The following ITGA6 variants were observed in gnomAD, a reference collection of about 807,000 sequenced individuals.
ITGA6 encodes the protein integrin subunit alpha 6.
Under a neutral mutation model 133.6 loss-of-function variants are expected in ITGA6, and 63 were observed. The ratio of observed to expected loss-of-function variants is 0.47; its 90% confidence interval spans 0.38 to 0.58. The LOEUF is 0.58. ITGA6 is among the 20% of genes least tolerant of loss of function. The probability of loss-of-function intolerance (pLI) is 0.00; values close to 1 mark genes in which losing one functional copy is unlikely to be tolerated. For missense variants in ITGA6, 1,068 were observed against 1,309.4 expected, an observed-to-expected ratio of 0.82 and a Z score of 2.85; for synonymous variants, 434 against 482.0, an observed-to-expected ratio of 0.90 and a Z score of 1.30.
In ITGA6 at chr2:172,503,177, A is replaced by T. The variant is rs115526550; in HGVS notation, c.*23-914A>T. Among the ~76,000 whole-genome samples, 541 of 152,228 alleles carry T rather than the reference A, an allele frequency of 3.6e-3. 1 individual carries two copies. Among genetic ancestry groups the T allele is most frequent in the African/African-American group, 0.012 (491 of 41,536 alleles). ...CATTAACAGTTCTATCAATATCCTCATTCTTCTAAACTGCATTTTAAAGTT... is the reference window on the plus strand; with the variant it reads ...CATTAACAGTTCTATCAATATCCTCTTTCTTCTAAACTGCATTTTAAAGTT... On this transcript the variant is annotated intron_variant, in intron 25 of 25. Coordinates refer to ENST00000684293, the MANE Select transcript of ITGA6 (RefSeq NM_000210.4).
At chr2:172,453,149 C>T (rs996974621) in intron 1 of ITGA6, among the ~76,000 whole-genome samples, 3 of 152,100 alleles carry the variant, frequency 2.0e-5, no homozygotes, top group Non-Finnish European at 4.4e-5. Flanking sequence ...CACTTTTACT[C>T]AGAGATTTGC....
intron 13 of ITGA6, among the ~76,000 whole-genome samples, chr2:172,486,400 C>G (rs1479880654): frequency 6.6e-6 from 1 of 151,950 alleles, no homozygotes; most frequent in Non-Finnish European, 1.5e-5. Flanking sequence ...GTTAATATTA[C>G]TTGTGTACAT....
chr2:172,457,753 A>T (rs544955929), intron 1 of ITGA6, among the ~76,000 whole-genome samples: 1 of 152,260 alleles, frequency 6.6e-6, no homozygotes, highest in Non-Finnish European at 1.5e-5. Context: ...TCCCCCTTCA[A>T]ACTGGGGGGG....
intron 1 of ITGA6, among the ~76,000 whole-genome samples, chr2:172,457,295 C>CAA (rs71403305): frequency 0.028 from 2,192 of 79,168 alleles, 113 homozygotes; most frequent in African/African-American, 0.096. Context: ...ATTCTGTCTC[C>CAA]AAAAAAAAAA....
chr2:172,438,706 A>G (rs1489176164), intron 1 of ITGA6, among the ~76,000 whole-genome samples: 1 of 151,774 alleles, frequency 6.6e-6, no homozygotes, highest in Non-Finnish European at 1.5e-5. Context: ...GGGTCCCTTA[A>G]AGTAAAATAT....
intron 13 of ITGA6, among the ~76,000 whole-genome samples, chr2:172,485,742 G>T (rs1686637113): frequency 6.6e-6 from 1 of 152,216 alleles, no homozygotes; most frequent in Non-Finnish European, 1.5e-5. Context: ...ATCTTTGGAA[G>T]AAAAATGTGT....
chr2:172,433,525 A>G (rs1684193800), intron 1 of ITGA6, among the ~76,000 whole-genome samples: 1 of 152,180 alleles, frequency 6.6e-6, no homozygotes, highest in South Asian at 2.1e-4. Flanking sequence ...CTGTGAAGCT[A>G]GTATCCTCGC....
At chr2:172,461,042 A>G (rs879846329) in intron 1 of ITGA6, among the ~76,000 whole-genome samples, 6 of 152,136 alleles carry the variant, frequency 3.9e-5, no homozygotes, top group Non-Finnish European at 7.3e-5. Context: ...TTTGGGGGAG[A>G]ACTTGAATAT....
chr2:172,479,992 T>C lies in ITGA6; in HGVS notation c.1490T>C (p.Leu497Pro), dbSNP rs963121180. Residue 497 changes from leucine to proline, a missense_variant and splice_region_variant, in exon 11 of 26, where the codon CTC becomes CCC. Around this residue, in one of 3 missense-constraint regions of ITGA6, gnomAD observed 609 missense variants for 707.2 expected, o/e 0.86. Transcript: ENST00000684293. ...TACGAPSGICLQVKSCFEYTA... is the reference protein window; with the variant it reads ...TACGAPSGICPQVKSCFEYTA... ...AATATGTGTTTGATTTTATTCAGCCTCCAGGTTAAATCCTGTTTTGAATAT... is the reference window on the plus strand; with the variant it reads ...AATATGTGTTTGATTTTATTCAGCCCCCAGGTTAAATCCTGTTTTGAATAT... 3.1e-6 allele frequency: 5 copies of C among 1,592,764 alleles called. No individual in the cohort carries two copies. The highest frequency in any genetic ancestry group is 1.7e-4 in the Middle Eastern group (1 of 6,022).
chr2:172,462,518 G>T lies in ITGA6; in HGVS notation c.183-3021G>T, dbSNP rs568970564. 3.9e-5 allele frequency among the ~76,000 whole-genome samples: 6 copies of T among 152,308 alleles called. 1 individual carries two copies. The East Asian group carries it at 1.2e-3, about 29-fold the overall frequency. On this transcript the variant is annotated intron_variant, in intron 1 of 25. Transcript: ENST00000684293. The stretch of plus-strand genomic sequence containing the variant: ...TGGTCTGCTGTCATCTGCAGTAGCC[G>T]CCGCATGTAAGACACGAGGACCTCT...
intron 1 of ITGA6, among the ~76,000 whole-genome samples, chr2:172,451,316 T>C (rs1684989638): frequency 6.6e-6 from 1 of 151,312 alleles, no homozygotes; most frequent in Non-Finnish European, 1.5e-5. Context: ...AATACAAAAA[T>C]TAGCCTGGTG....
intron 13 of ITGA6, among the ~76,000 whole-genome samples, chr2:172,486,187 A>AAAAAC (rs1553538637): frequency 6.6e-6 from 1 of 151,092 alleles, no homozygotes; most frequent in African/African-American, 2.4e-5. Flanking sequence ...AAAAAAAAAA[A>AAAAAC]AAAAAAAAAA....
intron 23 of ITGA6, 64 bp from the exon 24 acceptor site, chr2:172,497,911 T>C (rs1687194645): frequency 1.3e-6 from 2 of 1,592,294 alleles, no homozygotes; most frequent in Non-Finnish European, 1.7e-6. Flanking sequence ...ATTAGAACCA[T>C]AAACTCCTGG....
rs112685663 is a variant in ITGA6 at position 172,476,247 on chromosome 2, G to A, written c.1270-148G>A. 1.0e-3 allele frequency: 673 copies of A among 662,324 alleles called. 7 individuals carry two copies. The African/African-American group carries it at 0.01, about 10-fold the overall frequency. 41.0% of individuals were successfully genotyped at this position (662,324 alleles called of 1,614,324 possible). A position where few individuals can be genotyped will look rare whatever the true frequency, so the allele number is the denominator to read the frequency against. On this transcript the variant is annotated intron_variant, in intron 8 of 25. Transcript: ENST00000684293. ...AATGTATGAAGTGTTAGATCATATA[G>A]AAATTTATGACTTGTATATAATATA... is the stretch of plus-strand genomic sequence containing the variant.
At chr2:172,430,020 T>A (rs1684044004) in intron 1 of ITGA6, among the ~76,000 whole-genome samples, 1 of 152,206 alleles carries the variant, frequency 6.6e-6, no homozygotes, top group African/African-American at 2.4e-5. Flanking sequence ...ACCAGCTTCC[T>A]AAACTCTATG....
At chr2:172,435,984 C>T (rs1311991076) in intron 1 of ITGA6, among the ~76,000 whole-genome samples, 5 of 152,072 alleles carry the variant, frequency 3.3e-5, no homozygotes, top group African/African-American at 7.2e-5. Flanking sequence ...ATCAAGTGGA[C>T]ATACAGAGAC....
At position 172,476,380 on chromosome 2, in the gene ITGA6, C is replaced by A; in HGVS notation, c.1270-15C>A. ...TGATAACCTAATGTCCATTCGGATG[C>A]CCTGTGTATTTCAGGTTCTCAAGGG... On this transcript the variant is annotated splice_polypyrimidine_tract_variant and intron_variant, in intron 8 of 25. Coordinates refer to ENST00000684293, the MANE Select transcript of ITGA6 (RefSeq NM_000210.4). 2 of 1,303,528 alleles carry A rather than the reference C, an allele frequency of 1.5e-6. No homozygotes were observed. Among genetic ancestry groups the A allele is most frequent in the Non-Finnish European group, 2.2e-6 (2 of 896,816 alleles). 80.7% of individuals were successfully genotyped at this position (1,303,528 alleles called of 1,614,324 possible).
chr2:172,497,613 G>A (rs1490740088), intron 23 of ITGA6, among the ~76,000 whole-genome samples: 1 of 151,972 alleles, frequency 6.6e-6, no homozygotes, highest in Non-Finnish European at 1.5e-5. Context: ...AGAGCAATTT[G>A]TTTAGATACA....
chr2:172,437,662 G>C (rs931795958), intron 1 of ITGA6, among the ~76,000 whole-genome samples: 3 of 152,152 alleles, frequency 2.0e-5, no homozygotes, highest in Non-Finnish European at 2.9e-5. Context: ...GAATTTAAAA[G>C]CCTGAAGTTC....
Sources: gnomAD v4.1 joint callset for allele counts (sites outside exome capture counted in the v4.1 genomes callset) on GRCh38, gnomAD v4.1.1 for gene constraint, gnomAD v4.1.1 regional missense constraint, MANE v1.5 for transcripts, NCBI Gene and HGNC (gene_info 2026-07-23, HGNC 2026-07-21) for gene names.